The following RET variants were observed in gnomAD, a reference collection of about 807,000 sequenced individuals.
The protein encoded by RET is proto-oncogene tyrosine-protein kinase receptor Ret.
RET carries 19 observed loss-of-function variants against 118.3 expected under a neutral mutation model. The observed-to-expected ratio is 0.16, with a 90% confidence interval of 0.11 to 0.24. The LOEUF is 0.24. Ranked by LOEUF, RET falls within the 10% of genes least tolerant of loss-of-function variation. The pLI, the probability that RET is intolerant of heterozygous loss-of-function variation, is 1.00. For synonymous variants in RET, 597 were observed against 644.1 expected, an observed-to-expected ratio of 0.93 and a Z score of 1.11; for missense variants, 1,219 against 1,502.1, an observed-to-expected ratio of 0.81 and a Z score of 3.12.
At chr10:43,127,306 G>T in intron 19 of RET, 1 of 1,071,058 alleles carries the variant, frequency 9.3e-7, no homozygotes, top group South Asian at 4.4e-5. Context: ...GGCCCTGGGA[G>T]GACGCACCCC....
In RET at chr10:43,130,009, C is replaced by T; in HGVS notation, c.*1740C>T. On this transcript the variant is annotated 3_prime_UTR_variant, in exon 20 of 20. Coordinates refer to ENST00000355710, the MANE Select transcript of RET (RefSeq NM_020975.6). ...ATGCCTACACAGTAAGTGTGAATTG[C>T]TGCAACAGGTTTGTTCTCAGGAGGG... is the stretch of plus-strand genomic sequence containing the variant. The T allele has an allele frequency of 2.5e-6, 1 of 398,790 alleles. No individual in the cohort carries two copies. Among genetic ancestry groups the T allele is most frequent in the Non-Finnish European group, 4.4e-6 (1 of 226,056 alleles). The allele number at this position is 398,790 out of a possible 1,614,324, so 24.7% of individuals were successfully genotyped here.
rs1333636410 is a variant in RET, at chr10:43,104,943, G to C, written c.626-9G>C. 1 of 1,557,034 alleles carries C rather than the reference G, an allele frequency of 6.4e-7. No individual in the cohort carries two copies. Among genetic ancestry groups the C allele is most frequent in the East Asian group, 2.4e-5 (1 of 42,548 alleles). ...GATCACGCGGGGCCCCTGTCTGCTT[G>C]GTGCGCAGGTGAGGGTCTGCCCTTC... On this transcript the variant is annotated splice_polypyrimidine_tract_variant and intron_variant, in intron 3 of 19. Transcript: ENST00000355710.
At chr10:43,094,805 G>T (rs569819767) in intron 1 of RET, among the ~76,000 whole-genome samples, 4 of 152,362 alleles carry the variant, frequency 2.6e-5, no homozygotes, top group African/African-American at 9.6e-5. Flanking sequence ...GAGCCCTATT[G>T]GCAGTGTGAG....
intron 8 of RET, 119 bp from the exon 9 acceptor site, chr10:43,112,734 G>A (rs534014357): frequency 1.5e-4 from 113 of 777,556 alleles, no homozygotes; most frequent in Non-Finnish European, 2.2e-4. Context: ...TGTATATGGT[G>A]TTTCCCTACT....
chr10:43,128,296 C>T lies in RET; in HGVS notation c.*27C>T. 6.2e-7 allele frequency: 1 copy of T among 1,613,312 alleles called. No homozygotes were observed. Among genetic ancestry groups the T allele is most frequent in the Middle Eastern group, 1.6e-4 (1 of 6,062 alleles). Reference sequence around the variant, plus strand: ...ATTTCTTTGTGAAAGGTAATGGACTCACAAGGGGAAGAAACATGCTGAGAA... The same window carrying T: ...ATTTCTTTGTGAAAGGTAATGGACTTACAAGGGGAAGAAACATGCTGAGAA... On this transcript the variant is annotated 3_prime_UTR_variant, in exon 20 of 20. Transcript: ENST00000355710.
At chr10:43,083,113 G>A (rs1456527535) in intron 1 of RET, among the ~76,000 whole-genome samples, 2 of 152,212 alleles carry the variant, frequency 1.3e-5, no homozygotes, top group Admixed American at 6.5e-5. Context: ...GGGAAACAAC[G>A]GGGCTCATGG....
At chr10:43,105,842 C>A (rs1344468020) in intron 4 of RET, among the ~76,000 whole-genome samples, 1 of 151,282 alleles carries the variant, frequency 6.6e-6, no homozygotes, top group African/African-American at 2.4e-5. Context: ...GTGGGCCTCC[C>A]TGGGGTGACA....
At chr10:43,101,371 T>A (rs1837639534) in intron 2 of RET, among the ~76,000 whole-genome samples, 1 of 152,216 alleles carries the variant, frequency 6.6e-6, no homozygotes, top group East Asian at 1.9e-4. Flanking sequence ...CCCTGTCTGC[T>A]GGTGAGAGGC....
In RET at chr10:43,114,556, G is replaced by A. The variant is rs954292063; in HGVS notation, c.1956G>A (p.Leu652=). 1.9e-6 allele frequency: 3 copies of A among 1,611,398 alleles called. No homozygotes were observed. The African/African-American group carries it at 4.0e-5, about 22-fold the overall frequency. Residue 652 remains leucine (L), a synonymous_variant, in exon 11 of 20, where the codon CTG becomes CTA. Coordinates refer to ENST00000355710, the MANE Select transcript of RET (RefSeq NM_020975.6). This position sits in a 1 kb window ranked among gnomAD's most constrained non-coding sequence, Gnocchi z 4.6. Reference sequence around the variant, plus strand: ...TCTCCTTCATCGTCTCGGTGCTGCTGTCTGCCTTCTGCATCCACTGCTACC... The same window carrying A: ...TCTCCTTCATCGTCTCGGTGCTGCTATCTGCCTTCTGCATCCACTGCTACC... ...VLFSFIVSVL[L]SAFCIHCYHK... is the part of the protein sequence containing the mutation.
intron 1 of RET, among the ~76,000 whole-genome samples, chr10:43,078,918 G>A (rs1325875000): frequency 1.3e-5 from 2 of 152,206 alleles, no homozygotes; most frequent in African/African-American, 4.8e-5. Context: ...GGAGTGAAGA[G>A]GCAGCCCCAC....
chr10:43,087,233 C>A (rs915950911), intron 1 of RET, among the ~76,000 whole-genome samples: 1 of 152,256 alleles, frequency 6.6e-6, no homozygotes, highest in Non-Finnish European at 1.5e-5. Flanking sequence ...ATCTCTCCTC[C>A]TCCTCAGCTG....
chr10:43,127,427 C>T (rs1478900993), intron 19 of RET: 6 of 1,057,198 alleles, frequency 5.7e-6, no homozygotes, highest in Admixed American at 1.0e-4. Context: ...GTCTGTGGTG[C>T]TGTGGTCTTA....
At chr10:43,113,800 C>T (rs992582412) in intron 10 of RET, 125 bp downstream of exon 10, 130 of 1,386,028 alleles carry the variant, frequency 9.4e-5, no homozygotes, top group Middle Eastern at 1.8e-4. Context: ...AACTTCCCTC[C>T]CTCCCTCTGG....
intron 1 of RET, among the ~76,000 whole-genome samples, chr10:43,084,158 C>A (rs1837243042): frequency 6.6e-6 from 1 of 152,216 alleles, no homozygotes; most frequent in Admixed American, 6.5e-5. Flanking sequence ...CACCTTTTGG[C>A]AGTTATGAAA....
chr10:43,128,169 GC>G lies in RET; in HGVS notation c.3246del (p.Thr1083LeufsTer26). 6.2e-7 allele frequency: 1 copy of G among 1,614,152 alleles called. No homozygotes were observed. The highest frequency in any genetic ancestry group is 2.2e-5 in the East Asian group (1 of 44,888). ...ESPVPLTRAD[G>X]TNTGFPRYPN... is the part of the protein sequence containing the mutation. ...CCTGTACCACTCACGAGAGCTGATG[GC>G]ACTAACACTGGGTTTCCAAGATATC... On this transcript the variant is annotated frameshift_variant, in exon 20 of 20. Coordinates refer to ENST00000355710, the MANE Select transcript of RET (RefSeq NM_020975.6). LOFTEE classifies it high-confidence loss of function.
At position 43,121,856 on chromosome 10, in the gene RET, A is replaced by G. The variant is rs899510300; in HGVS notation, c.2731-90A>G. The G allele has an allele frequency of 1.2e-5, 11 of 954,498 alleles. No homozygotes were observed. In the African/African-American group the frequency reaches 1.8e-4, roughly 15 times the overall value. 59.1% of individuals were successfully genotyped at this position (954,498 alleles called of 1,614,324 possible). A position where few individuals can be genotyped will look rare whatever the true frequency, so the allele number is the denominator to read the frequency against. The stretch of plus-strand genomic sequence containing the variant: ...CTACAGCACTCCTCTGGTTACTGAA[A>G]GCTCAGGGATAGGGCCTGGCCTTCT... On this transcript the variant is annotated intron_variant, in intron 15 of 19. Coordinates refer to ENST00000355710, the MANE Select transcript of RET (RefSeq NM_020975.6).
intron 6 of RET, among the ~76,000 whole-genome samples, chr10:43,110,621 C>A (rs1837894359): frequency 6.6e-6 from 1 of 152,162 alleles, no homozygotes; most frequent in Admixed American, 6.5e-5. Flanking sequence ...AGAAGAGGCT[C>A]CTCTTTCCCA....
chr10:43,087,582 G>C (rs1405474741), intron 1 of RET, among the ~76,000 whole-genome samples: 1 of 152,224 alleles, frequency 6.6e-6, no homozygotes, highest in African/African-American at 2.4e-5. Flanking sequence ...GTATTGACTT[G>C]TTAGCGGGTA....
rs767654905 is a variant in RET, at chr10:43,105,012, T to C, written c.686T>C (p.Leu229Pro). Residue 229 changes from leucine to proline, a missense_variant, in exon 4 of 20, where the codon CTG becomes CCG. Coordinates refer to ENST00000355710, the MANE Select transcript of RET (RefSeq NM_020975.6). Reference protein sequence around the residue: ...DSLEVSTRWALDREQREKYEL... With the variant: ...DSLEVSTRWAPDREQREKYEL... ...CTGGAGGTGAGCACGCGCTGGGCCC[T>C]GGACCGCGAGCAGCGGGAGAAGTAC... The C allele has an allele frequency of 3.1e-6, 5 of 1,597,118 alleles. No homozygotes were observed. Among genetic ancestry groups the C allele is most frequent in the Non-Finnish European group, 4.2e-6 (5 of 1,176,962 alleles).
Sources: gnomAD v4.1 joint callset for allele counts (sites outside exome capture counted in the v4.1 genomes callset) on GRCh38, gnomAD v4.1.1 for gene constraint, Gnocchi (gnomAD v3.1) non-coding constraint, MANE v1.5 for transcripts, NCBI Gene and HGNC (gene_info 2026-07-23, HGNC 2026-07-21) for gene names.